Variants in XIRP2 observed in about 807,000 individuals in gnomAD.
XIRP2 encodes the protein xin actin-binding repeat-containing protein 2.
Under a neutral mutation model 277.0 loss-of-function variants are expected in XIRP2, and 236 were observed. The ratio of observed to expected loss-of-function variants is 0.85; its 90% CI spans 0.77 to 0.95. XIRP2 has a LOEUF of 0.95. XIRP2 is among the 40% of genes least tolerant of loss of function. The pLI, the probability that XIRP2 is intolerant of heterozygous loss-of-function variation, is 0.00. For missense variants in XIRP2, 4,640 were observed against 4,157.5 expected (o/e 1.12, Z -3.19); for synonymous variants, 1,490 against 1,416.5 (o/e 1.05, Z -1.17).
intron 2 of XIRP2, among the ~76,000 whole-genome samples, chr2:167,042,021 T>G (rs766678942): frequency 7.2e-5 from 11 of 152,074 alleles, no homozygotes; most frequent in Non-Finnish European, 1.6e-4. Flanking sequence ...CCAGAAAAGA[T>G]TGAGGGTCTA....
intron 2 of XIRP2, among the ~76,000 whole-genome samples, chr2:167,031,155 G>T (rs1009410382): frequency 1.3e-5 from 2 of 151,884 alleles, no homozygotes; most frequent in South Asian, 2.1e-4. Context: ...CAATTTGCCA[G>T]TCTTTGACTT....
intron 2 of XIRP2, among the ~76,000 whole-genome samples, chr2:167,088,597 AT>A (rs1171967104): frequency 6.6e-6 from 1 of 152,178 alleles, no homozygotes; most frequent in East Asian, 1.9e-4. Flanking sequence ...AAAAATCTTA[AT>A]TTGGCCATAA....
In XIRP2 at chr2:167,244,256, A is replaced by G; in HGVS notation, c.2864A>G (p.Asn955Ser). The change falls in exon 9 of 11, where the codon AAC becomes AGC. Residue 955 changes from asparagine to serine, a missense_variant. Transcript: ENST00000409195. ...AATTACACACATATCTTTGAATCAA[A>G]CAATTTAATTAAATTTGATGCATCA... is the stretch of plus-strand genomic sequence containing the variant. ...VKNYTHIFESNNLIKFDASHK... is the reference protein window; with the variant it reads ...VKNYTHIFESSNLIKFDASHK... The G allele has an allele frequency of 1.9e-6, 3 of 1,613,664 alleles. No individual in the cohort carries two copies. Among genetic ancestry groups the G allele is most frequent in the Middle Eastern group, 1.6e-4 (1 of 6,084 alleles).
chr2:167,062,539 G>A (rs1197169293), intron 2 of XIRP2, among the ~76,000 whole-genome samples: 1 of 151,962 alleles, frequency 6.6e-6, no homozygotes, highest in African/African-American at 2.4e-5. Context: ...AAATGATTTG[G>A]GAATTATTCT....
At position 166,903,683 on chromosome 2, in the gene XIRP2, G is replaced by A. The variant is rs756271805; in HGVS notation, c.201G>A (p.Gly67=). The change falls in exon 2 of 11, where the codon GGG becomes GGA. Residue 67 remains glycine (G), a synonymous_variant. Coordinates refer to ENST00000409195, the MANE Select transcript of XIRP2 (RefSeq NM_152381.6). ...LDPTSLPYST[G]EEMWSSKPEE... ...CCACAAGTCTGCCCTACAGTACAGG[G>A]GAAGAGATGTGGAGTTCGAAGCCGG... is the stretch of plus-strand genomic sequence containing the variant. The A allele has an allele frequency of 6.2e-7, 1 of 1,613,536 alleles. No individual in the cohort carries two copies. The highest frequency in any genetic ancestry group is 1.7e-5 in the Admixed American group (1 of 59,878).
At chr2:167,240,053 C>T (rs750344800) in intron 6 of XIRP2, 88 bp downstream of exon 6, 6 of 1,128,256 alleles carry the variant, frequency 5.3e-6, no homozygotes, top group Non-Finnish European at 7.4e-6. Context: ...CATTTATTGT[C>T]ACTCATGTAT....
At chr2:167,112,321 T>A (rs1456521536) in intron 2 of XIRP2, among the ~76,000 whole-genome samples, 1 of 151,934 alleles carries the variant, frequency 6.6e-6, no homozygotes, top group East Asian at 1.9e-4. Context: ...CTCTTAACAC[T>A]TTCTTAGTTG....
intron 2 of XIRP2, among the ~76,000 whole-genome samples, chr2:167,097,963 C>A (rs1690369225): frequency 6.6e-6 from 1 of 152,198 alleles, no homozygotes; most frequent in Non-Finnish European, 1.5e-5. Flanking sequence ...TAACCTCTTT[C>A]TCTGGCTGCC....
In XIRP2 at chr2:167,244,159, G is replaced by T. The variant is rs1325529486; in HGVS notation, c.2767G>T (p.Asp923Tyr). 1.2e-6 allele frequency: 2 copies of T among 1,613,794 alleles called. No homozygotes were observed. The highest frequency in any genetic ancestry group is 2.2e-5 in the South Asian group (2 of 91,064). ...KWIFETQPLE[D>Y]IRKDKKEYTR... ...GATTTTTGAAACCCAACCTCTGGAAGACATTAGAAAAGATAAAAAGGAGTA... is the reference window on the plus strand; with the variant it reads ...GATTTTTGAAACCCAACCTCTGGAATACATTAGAAAAGATAAAAAGGAGTA... The change falls in exon 9 of 11, where the codon GAC (aspartate) becomes TAC (tyrosine). Residue 923 changes from aspartate (D) to tyrosine (Y), a missense_variant. By Grantham distance (160) the Asp-to-Tyr change is radical (BLOSUM62 -3). Transcript: ENST00000409195.
chr2:167,180,584 A>C (rs16853138), intron 3 of XIRP2, among the ~76,000 whole-genome samples: 15,012 of 152,216 alleles, frequency 0.099, 791 homozygotes, highest in South Asian at 0.15. Context: ...AATAACAGCT[A>C]ATCCACTTTC....
At position 167,251,270 on chromosome 2, in the gene XIRP2, T is replaced by C. The variant is rs748113680; in HGVS notation, c.9878T>C (p.Val3293Ala). 7.2e-5 allele frequency: 116 copies of C among 1,613,456 alleles called. 1 individual carries two copies. Among genetic ancestry groups the C allele is most frequent in the South Asian group, 3.3e-4 (30 of 91,076 alleles). The change falls in exon 9 of 11, where the codon GTT becomes GCT. Residue 3293 changes from valine to alanine, a missense_variant. Coordinates refer to ENST00000409195, the MANE Select transcript of XIRP2 (RefSeq NM_152381.6). ...MVPDTESYDA[V>A]EIIRKVAVPP... Reference sequence around the variant, plus strand: ...CCCGACACTGAAAGTTATGATGCAGTTGAAATCATCCGCAAGGTTGCAGTG... The same window carrying C: ...CCCGACACTGAAAGTTATGATGCAGCTGAAATCATCCGCAAGGTTGCAGTG...
intron 5 of XIRP2, among the ~76,000 whole-genome samples, chr2:167,220,524 T>G (rs1694390398): frequency 6.6e-6 from 1 of 152,210 alleles, no homozygotes; most frequent in Non-Finnish European, 1.5e-5. Context: ...AAGTATCACC[T>G]TTATCAGATT....
At chr2:166,896,619 A>G (rs988240816) in intron 1 of XIRP2, among the ~76,000 whole-genome samples, 4 of 152,094 alleles carry the variant, frequency 2.6e-5, no homozygotes, top group African/African-American at 7.2e-5. Flanking sequence ...AAAATTAAAA[A>G]GTTTATAAAG....
intron 6 of XIRP2, among the ~76,000 whole-genome samples, 161 bp downstream of exon 6, chr2:167,240,126 A>G (rs573107900): frequency 6.6e-6 from 1 of 151,988 alleles, no homozygotes; most frequent in Admixed American, 6.6e-5. Flanking sequence ...TTTAAAAGTA[A>G]AATAGGGCCA....
intron 5 of XIRP2, among the ~76,000 whole-genome samples, chr2:167,232,569 C>T (rs974429621): frequency 1.3e-5 from 2 of 151,848 alleles, no homozygotes; most frequent in African/African-American, 4.8e-5. Flanking sequence ...TTTTGGAGGG[C>T]CTTGCTTACT....
intron 2 of XIRP2, among the ~76,000 whole-genome samples, chr2:167,093,097 A>G (rs1240264676): frequency 6.6e-6 from 1 of 152,114 alleles, no homozygotes; most frequent in Non-Finnish European, 1.5e-5. Context: ...AAAAGTTTCA[A>G]TTCAAAGTTT....
At chr2:166,932,629 A>T (rs1685376170) in intron 2 of XIRP2, among the ~76,000 whole-genome samples, 1 of 152,222 alleles carries the variant, frequency 6.6e-6, no homozygotes, top group South Asian at 2.1e-4. Context: ...CTCCGGTATT[A>T]TAATAATATT....
rs538020263 is a variant in XIRP2 at position 167,082,184 on chromosome 2, G to C, written c.409-53725G>C. The stretch of plus-strand genomic sequence containing the variant: ...TTGTTCAATTCCCACCTGTGAGTGA[G>C]AATATGCGGTGTTTGGTTTTTTGTT... On this transcript the variant is annotated intron_variant, in intron 2 of 10. Coordinates refer to ENST00000409195, the MANE Select transcript of XIRP2 (RefSeq NM_152381.6). Among the ~76,000 whole-genome samples the C allele has an allele frequency of 4.6e-5, 7 of 150,586 alleles. No individual in the cohort carries two copies. In the South Asian group the frequency reaches 1.5e-3, roughly 32 times the overall value.
rs1695467965 is a variant in XIRP2, at chr2:167,250,878, A to C, written c.9486A>C (p.Lys3162Asn). ...CACCAAGAAGGCCCATGTCGCAAAA[A>C]TCTGAAATTCACAGAGCAAACACTT... ...EPPPRRPMSQ[K>N]SEIHRANTSP... The change falls in exon 9 of 11, where the codon AAA becomes AAC. Residue 3162 changes from lysine (K) to asparagine (N), a missense_variant. Coordinates refer to ENST00000409195, the MANE Select transcript of XIRP2 (RefSeq NM_152381.6). 1 of 1,612,816 alleles carries C rather than the reference A, an allele frequency of 6.2e-7. No individual in the cohort carries two copies. The highest frequency in any genetic ancestry group is 2.2e-5 in the East Asian group (1 of 44,788).
Sources: gnomAD v4.1 joint callset for allele counts (sites outside exome capture counted in the v4.1 genomes callset) on GRCh38, gnomAD v4.1.1 for gene constraint, MANE v1.5 for transcripts, NCBI Gene and HGNC (gene_info 2026-07-23, HGNC 2026-07-21) for gene names.